Variants in SNRPD1 observed in about 807,000 individuals in gnomAD.
SNRPD1 encodes the protein small nuclear ribonucleoprotein Sm D1.
A neutral mutation model predicts 14.4 loss-of-function variants in SNRPD1; 1 was observed. The observed-to-expected ratio is 0.07, with a 90% CI of 0.02 to 0.33. The LOEUF is 0.33. Among genes scored for constraint, SNRPD1 ranks in the 10% least tolerant of loss-of-function variants. SNRPD1 has a pLI of 1.00. For missense variants in SNRPD1, 52 were observed against 146.4 expected, an observed-to-expected ratio of 0.36 and a Z score of 3.33; for synonymous variants, 42 against 50.3, an observed-to-expected ratio of 0.83 and a Z score of 0.70.
intron 2 of SNRPD1, 152 bp downstream of exon 2, chr18:21,622,953 G>C (rs2039009375): frequency 2.1e-6 from 1 of 484,204 alleles, no homozygotes; most frequent in African/African-American, 2.4e-5. Flanking sequence ...TTTTTAAACA[G>C]TTTTGCTCTG....
intron 1 of SNRPD1, among the ~76,000 whole-genome samples, chr18:21,620,588 TTC>T (rs1428564296): frequency 6.6e-6 from 1 of 152,176 alleles, no homozygotes; most frequent in Non-Finnish European, 1.5e-5. Flanking sequence ...AAAAGATCAA[TTC>T]CAAGTAGATT....
chr18:21,626,496 A>G (rs1468591269), intron 3 of SNRPD1, among the ~76,000 whole-genome samples: 1 of 151,866 alleles, frequency 6.6e-6, no homozygotes, highest in Non-Finnish European at 1.5e-5. Flanking sequence ...GTTATTTAAA[A>G]ATTATTGGTT....
In SNRPD1 at chr18:21,631,428, T is replaced by G. The variant is rs1241114812; in HGVS notation, c.*2290T>G. 2.6e-5 allele frequency: 1 copy of G among 38,750 alleles called. No individual in the cohort carries two copies. The highest frequency in any genetic ancestry group is 3.9e-5 in the Non-Finnish European group (1 of 25,342). The allele number at this position is 38,750 out of a possible 1,614,324, so 2.4% of individuals were successfully genotyped here. A position where few individuals can be genotyped will look rare whatever the true frequency, so the allele number is the denominator to read the frequency against. On this transcript the variant is annotated 3_prime_UTR_variant, in exon 4 of 4. Transcript: ENST00000300413. ...CCAATATGTAATTTTTCTCCACACG[T>G]TTTTTTTTTTTTTTTTTTTTTTTTT...
chr18:21,614,976 T>C (rs1270387991), intron 1 of SNRPD1, among the ~76,000 whole-genome samples: 3 of 152,202 alleles, frequency 2.0e-5, no homozygotes, highest in Non-Finnish European at 2.9e-5. Flanking sequence ...TTCTTTAAGG[T>C]AAATATCTTA....
chr18:21,630,683 C>G lies in SNRPD1; in HGVS notation c.*1545C>G, dbSNP rs920526166. 1 of 151,442 alleles carries G rather than the reference C, an allele frequency of 6.6e-6. No individual in the cohort carries two copies. Among genetic ancestry groups the G allele is most frequent in the Non-Finnish European group, 1.5e-5 (1 of 67,938 alleles). The allele number at this position is 151,442 out of a possible 1,614,324, so 9.4% of individuals were successfully genotyped here. A position where few individuals can be genotyped will look rare whatever the true frequency, so the allele number is the denominator to read the frequency against. ...GCCGAGGCAGGAGAATTGCTTGAAC[C>G]CAGGAGGCGGAGGTTGCAGTGAGCC... On this transcript the variant is annotated 3_prime_UTR_variant, in exon 4 of 4. Coordinates refer to ENST00000300413, the MANE Select transcript of SNRPD1 (RefSeq NM_006938.4).
At chr18:21,612,794 G>A (rs1354013293) in intron 1 of SNRPD1, among the ~76,000 whole-genome samples, 1 of 152,242 alleles carries the variant, frequency 6.6e-6, no homozygotes, top group African/African-American at 2.4e-5. Context: ...TACTTAGAAA[G>A]CTGTATGAGC....
At chr18:21,613,854 CAAAAAA>C (rs56863125) in intron 1 of SNRPD1, among the ~76,000 whole-genome samples, 42 of 58,672 alleles carry the variant, frequency 7.2e-4, no homozygotes, top group African/African-American at 2.1e-3. Context: ...GACTCCATCT[CAAAAAA>C]AAAAAAAAAA....
chr18:21,624,459 A>C (rs1401720073), intron 3 of SNRPD1, among the ~76,000 whole-genome samples: 3 of 151,812 alleles, frequency 2.0e-5, no homozygotes, highest in Non-Finnish European at 4.4e-5. Context: ...TGGGAGGCCA[A>C]GGTGGGCAGA....
In SNRPD1 at chr18:21,631,389, T is replaced by G. The variant is rs1312473659; in HGVS notation, c.*2251T>G. 6.7e-6 allele frequency: 1 copy of G among 150,262 alleles called. No individual in the cohort carries two copies. Among genetic ancestry groups the G allele is most frequent in the Non-Finnish European group, 1.5e-5 (1 of 67,876 alleles). The allele number at this position is 150,262 out of a possible 1,614,324, so 9.3% of individuals were successfully genotyped here. On this transcript the variant is annotated 3_prime_UTR_variant, in exon 4 of 4. Coordinates refer to ENST00000300413, the MANE Select transcript of SNRPD1 (RefSeq NM_006938.4). Reference sequence around the variant, plus strand: ...GTAAATATATTAAAGGTGAGTTGGCTTGACAAGATACAACCAATATGTAAT... The same window carrying G: ...GTAAATATATTAAAGGTGAGTTGGCGTGACAAGATACAACCAATATGTAAT...
chr18:21,631,763 A>T lies in SNRPD1; in HGVS notation c.*2625A>T, dbSNP rs1486877478. On this transcript the variant is annotated 3_prime_UTR_variant, in exon 4 of 4. Transcript: ENST00000300413. Reference sequence around the variant, plus strand: ...CTTTCATTAATTAATAAGCTGGGGGAATAAATAACTGGATTTCATTCTTTT... The same window carrying T: ...CTTTCATTAATTAATAAGCTGGGGGTATAAATAACTGGATTTCATTCTTTT... 2 of 151,918 alleles carry T rather than the reference A, an allele frequency of 1.3e-5. No individual in the cohort carries two copies. The highest frequency in any genetic ancestry group is 4.8e-5 in the African/African-American group (2 of 41,346). The allele number at this position is 151,918 out of a possible 1,614,324, so 9.4% of individuals were successfully genotyped here.
chr18:21,631,803 G>A lies in SNRPD1; in HGVS notation c.*2665G>A, dbSNP rs2039087035. On this transcript the variant is annotated 3_prime_UTR_variant, in exon 4 of 4. Coordinates refer to ENST00000300413, the MANE Select transcript of SNRPD1 (RefSeq NM_006938.4). ...TTCATTCTTTTCCATCTTCTGACCT[G>A]TTGGTGCTCCTATTGCTTGTATCCA... The A allele has an allele frequency of 6.6e-6, 1 of 151,994 alleles. No homozygotes were observed. The allele number at this position is 151,994 out of a possible 1,614,324, so 9.4% of individuals were successfully genotyped here. A position where few individuals can be genotyped will look rare whatever the true frequency, so the allele number is the denominator to read the frequency against.
chr18:21,618,326 T>C (rs2038972518), intron 1 of SNRPD1, among the ~76,000 whole-genome samples: 1 of 151,214 alleles, frequency 6.6e-6, no homozygotes. Flanking sequence ...AAACCTAAAC[T>C]AAAAACCTCT....
At chr18:21,623,969 T>A in intron 3 of SNRPD1, 30 bp downstream of exon 3, 1 of 1,327,422 alleles carries the variant, frequency 7.5e-7, no homozygotes, top group Non-Finnish European at 1.1e-6. Context: ...AACATTTTTG[T>A]GAATGCTAAT....
chr18:21,621,837 A>G (rs768538276), intron 1 of SNRPD1, among the ~76,000 whole-genome samples: 2 of 152,196 alleles, frequency 1.3e-5, no homozygotes, highest in Non-Finnish European at 2.9e-5. Context: ...TCGGCCTCCC[A>G]AAGTGCTGGG....
chr18:21,620,259 A>AT (rs202158603), intron 1 of SNRPD1, among the ~76,000 whole-genome samples: 10 of 150,342 alleles, frequency 6.7e-5, no homozygotes, highest in East Asian at 5.8e-4. Flanking sequence ...CGGCCAACTA[A>AT]TTTTTTTTTT....
At chr18:21,625,315 AATT>A (rs1416751123) in intron 3 of SNRPD1, among the ~76,000 whole-genome samples, 2 of 98,264 alleles carry the variant, frequency 2.0e-5, no homozygotes, top group South Asian at 3.2e-4. Flanking sequence ...TGTTGAAAAA[AATT>A]TTTTTTTTTT....
In SNRPD1 at chr18:21,633,294, C is replaced by G. The variant is rs1246101994; in HGVS notation, c.*4156C>G. The G allele has an allele frequency of 6.6e-6, 1 of 152,144 alleles. No individual in the cohort carries two copies. The highest frequency in any genetic ancestry group is 2.4e-5 in the African/African-American group (1 of 41,420). 9.4% of individuals were successfully genotyped at this position (152,144 alleles called of 1,614,324 possible). On this transcript the variant is annotated 3_prime_UTR_variant, in exon 4 of 4. Transcript: ENST00000300413. ...TTTTGAAATAGATTAATGTAGTCAG[C>G]AAACAATTCATGTATTACCTATAAT...
At chr18:21,620,749 T>C (rs2038991103) in intron 1 of SNRPD1, among the ~76,000 whole-genome samples, 1 of 152,048 alleles carries the variant, frequency 6.6e-6, no homozygotes, top group Admixed American at 6.6e-5. Flanking sequence ...AAAGAAACCA[T>C]AAACAACAAA....
At chr18:21,621,370 G>C (rs2038996731) in intron 1 of SNRPD1, among the ~76,000 whole-genome samples, 1 of 152,024 alleles carries the variant, frequency 6.6e-6, no homozygotes, top group Admixed American at 6.6e-5. Flanking sequence ...CCATATAGTG[G>C]AATACTTTCC....
Sources: allele counts gnomAD v4.1 joint callset (sites outside exome capture counted in the v4.1 genomes callset), GRCh38; gene constraint gnomAD v4.1.1; transcripts MANE v1.5; gene names NCBI Gene and HGNC (gene_info 2026-07-23, HGNC 2026-07-21).